AKAP9: variants seen among roughly 807,000 people sequenced by gnomAD.
AKAP9 encodes A-kinase anchor protein 9.
A neutral mutation model predicts 488.5 loss-of-function variants in AKAP9; 311 were observed. That is an observed-to-expected ratio of 0.64 (90% CI 0.58 to 0.70). The LOEUF (loss-of-function observed/expected upper bound fraction) is 0.70. AKAP9 is among the 30% of genes least tolerant of loss of function. AKAP9 has a pLI of 0.00. For missense variants in AKAP9, 4,215 were observed against 4,374.5 expected (o/e 0.96, Z 1.03); for synonymous variants, 1,462 against 1,483.5 (o/e 0.99, Z 0.33).
chr7:92,048,211 G>A (rs1807333498), intron 21 of AKAP9, among the ~76,000 whole-genome samples: 1 of 152,078 alleles, frequency 6.6e-6, no homozygotes, highest in South Asian at 2.1e-4. Flanking sequence ...CAGTCTAATT[G>A]CGAAGCAACT....
At chr7:92,081,489 A>ATG (rs1371738667) in intron 31 of AKAP9, among the ~76,000 whole-genome samples, 1 of 115,432 alleles carries the variant, frequency 8.7e-6, no homozygotes, top group African/African-American at 3.8e-5. Context: ...ATATATATAT[A>ATG]TATATATATT....
At chr7:91,949,625 T>TCACCAAACTGTAA (rs1403029311) in intron 1 of AKAP9, among the ~76,000 whole-genome samples, 1 of 152,216 alleles carries the variant, frequency 6.6e-6, no homozygotes, top group African/African-American at 2.4e-5. Context: ...GTCTTAGTCA[T>TCACCAAACTGTAA]CACCAAACTG....
At chr7:92,096,342 T>TG (rs1816567546) in intron 40 of AKAP9, among the ~76,000 whole-genome samples, 1 of 146,748 alleles carries the variant, frequency 6.8e-6, no homozygotes, top group Admixed American at 6.6e-5. Flanking sequence ...TTGTTTTTTT[T>TG]TTTTTTTTTG....
intron 3 of AKAP9, among the ~76,000 whole-genome samples, chr7:91,981,000 A>C (rs1020730873): frequency 1.3e-5 from 2 of 152,130 alleles, no homozygotes; most frequent in Admixed American, 6.6e-5. Context: ...GGAAAAAAAA[A>C]CTCCATGTTC....
At chr7:92,046,450 A>T (rs1043991763) in intron 21 of AKAP9, among the ~76,000 whole-genome samples, 1 of 152,238 alleles carries the variant, frequency 6.6e-6, no homozygotes, top group Non-Finnish European at 1.5e-5. Context: ...TTGCCTAATT[A>T]TAAGTTGGCC....
At chr7:92,096,142 A>C (rs1212888056) in intron 40 of AKAP9, among the ~76,000 whole-genome samples, 1 of 152,126 alleles carries the variant, frequency 6.6e-6, no homozygotes, top group Non-Finnish European at 1.5e-5. Flanking sequence ...ACCCTGCTTC[A>C]TATTACTTAG....
intron 26 of AKAP9, 21 bp from the exon 27 acceptor site, chr7:92,070,009 T>G (rs1021157859): frequency 6.2e-7 from 1 of 1,605,274 alleles, no homozygotes; most frequent in Non-Finnish European, 8.5e-7. Context: ...TAAATTAAAT[T>G]TTTTGCCTCT....
At chr7:92,089,036 C>T (rs889967169) in intron 37 of AKAP9, among the ~76,000 whole-genome samples, 2 of 152,076 alleles carry the variant, frequency 1.3e-5, no homozygotes, top group Non-Finnish European at 2.9e-5. Flanking sequence ...CAAAGAAAGA[C>T]TTGGGAATAT....
Position 92,015,434 on chromosome 7 carries a change from G to A in AKAP9, c.3613-695G>A, listed in dbSNP as rs189119785. 2.5e-3 allele frequency among the ~76,000 whole-genome samples: 373 copies of A among 149,838 alleles called. 3 individuals are homozygous for A. The highest frequency in any genetic ancestry group is 8.4e-3 in the African/African-American group (341 of 40,708). ...GGCTGGAGTGCAGTGGCACAATCTCGGTTCACTGTGACCTCTGCCTCCTAG... is the reference window on the plus strand; with the variant it reads ...GGCTGGAGTGCAGTGGCACAATCTCAGTTCACTGTGACCTCTGCCTCCTAG... On this transcript the variant is annotated intron_variant, in intron 10 of 49. Transcript: ENST00000356239.
intron 2 of AKAP9, among the ~76,000 whole-genome samples, chr7:91,976,860 T>A (rs972374417): frequency 1.3e-5 from 2 of 152,228 alleles, no homozygotes; most frequent in African/African-American, 4.8e-5. Context: ...TTTATTGATA[T>A]TCTTCATTTG....
intron 28 of AKAP9, among the ~76,000 whole-genome samples, chr7:92,075,960 G>A (rs11982047): frequency 0.34 from 51,525 of 151,942 alleles, 9,214 homozygotes; most frequent in Middle Eastern, 0.39. Flanking sequence ...AAGTGTTGCT[G>A]AGGATAGGCT....
Position 92,001,071 on chromosome 7 carries a change from A to C in AKAP9, c.1154A>C (p.Gln385Pro). 1 of 1,613,132 alleles carries C rather than the reference A, an allele frequency of 6.2e-7. No homozygotes were observed. The highest frequency in any genetic ancestry group is 1.1e-5 in the South Asian group (1 of 90,934). ...NMKLELTNSK[Q>P]KERQSSEEIK... ...AAATTAGAGCTGACTAATTCTAAGC[A>C]AAAAGAAAGACAGTCTTCTGAAGAA... Residue 385 changes from glutamine to proline, a missense_variant, in exon 8 of 50, where the codon CAA becomes CCA. Transcript: ENST00000356239.
At chr7:91,980,620 C>A (rs1406247067) in intron 3 of AKAP9, among the ~76,000 whole-genome samples, 1 of 143,988 alleles carries the variant, frequency 6.9e-6, no homozygotes, top group Non-Finnish European at 1.5e-5. Context: ...GTGACTGTTA[C>A]AAGGCATCCA....
intron 5 of AKAP9, 118 bp downstream of exon 5, chr7:91,993,173 T>C: frequency 2.8e-6 from 3 of 1,066,054 alleles, no homozygotes; most frequent in Non-Finnish European, 4.1e-6. Flanking sequence ...TTTTTTCTTT[T>C]CTTTTCTTCT....
chr7:92,019,628 T>G (rs1045993840), intron 12 of AKAP9, among the ~76,000 whole-genome samples: 1 of 150,482 alleles, frequency 6.6e-6, no homozygotes, highest in African/African-American at 2.4e-5. Flanking sequence ...CATATACATA[T>G]ATACTATTTT....
chr7:92,077,043 G>T (rs1174331274), intron 29 of AKAP9, 36 bp downstream of exon 29: 2 of 1,199,716 alleles, frequency 1.7e-6, no homozygotes, highest in Non-Finnish European at 2.3e-6. Flanking sequence ...CTGTAAATAA[G>T]TCATAGTTTC....
At position 92,034,892 on chromosome 7, in the gene AKAP9, G is replaced by A. The variant is rs1298969348; in HGVS notation, c.4338+3288G>A. On this transcript the variant is annotated intron_variant, in intron 16 of 49. Transcript: ENST00000356239. ...CAGATTGGCTAGAGGTTTATTGATTGTATTGATAATATTAAGGATTCAGCT... is the reference window on the plus strand; with the variant it reads ...CAGATTGGCTAGAGGTTTATTGATTATATTGATAATATTAAGGATTCAGCT... 2.0e-5 allele frequency among the ~76,000 whole-genome samples: 3 copies of A among 152,038 alleles called. No individual in the cohort carries two copies. In the East Asian group the frequency reaches 5.8e-4, roughly 29 times the overall value.
chr7:91,955,288 G>A (rs1437076668), intron 1 of AKAP9, among the ~76,000 whole-genome samples: 1 of 152,054 alleles, frequency 6.6e-6, no homozygotes, highest in Non-Finnish European at 1.5e-5. Flanking sequence ...TTCTAAAAAA[G>A]AATATATGTA....
At chr7:92,055,248 A>T (rs1391934512) in intron 22 of AKAP9, among the ~76,000 whole-genome samples, 1 of 152,104 alleles carries the variant, frequency 6.6e-6, no homozygotes, top group Non-Finnish European at 1.5e-5. Flanking sequence ...GAATCTGAGG[A>T]TGAAGCAGTA....
Sources: allele counts gnomAD v4.1 joint callset (sites outside exome capture counted in the v4.1 genomes callset), GRCh38; gene constraint gnomAD v4.1.1; transcripts MANE v1.5; gene names NCBI Gene and HGNC (gene_info 2026-07-23, HGNC 2026-07-21).